The following WFDC3 variants were observed in gnomAD, a reference collection of about 807,000 sequenced individuals.
WFDC3 encodes the protein WAP four-disulfide core domain 3, also known as WAP four-disulfide core domain protein 3.
In WFDC3, 15 loss-of-function variants were observed where a neutral mutation model predicts 25.8. The ratio of observed to expected loss-of-function variants is 0.58; its 90% CI spans 0.39 to 0.89. The LOEUF is 0.89. WFDC3 is among the 40% of genes least tolerant of loss of function. The probability of loss-of-function intolerance (pLI) is 0.00; values close to 1 mark genes in which losing one functional copy is unlikely to be tolerated. For synonymous variants in WFDC3, 103 were observed against 107.1 expected, an observed-to-expected ratio of 0.96 and a Z score of 0.24; for missense variants, 264 against 289.8, an observed-to-expected ratio of 0.91 and a Z score of 0.65.
intron 4 of WFDC3, among the ~76,000 whole-genome samples, chr20:45,777,768 G>A (rs1357601190): frequency 2.6e-5 from 4 of 152,136 alleles, no homozygotes; most frequent in Admixed American, 6.5e-5. Flanking sequence ...TGATCCTCCC[G>A]CCTGAGCCTC....
intron 4 of WFDC3, among the ~76,000 whole-genome samples, chr20:45,783,735 C>A (rs940171795): frequency 6.6e-5 from 10 of 152,032 alleles, no homozygotes; most frequent in Non-Finnish European, 1.3e-4. Flanking sequence ...GCCAAACAGA[C>A]CAGCGCTGGC....
rs61529524 is a variant in WFDC3, at chr20:45,790,782, G to A, written c.-7-800C>T. The A allele has an allele frequency of 7.5e-3, 2,786 of 369,924 alleles. 95 individuals carry two copies. Among genetic ancestry groups the A allele is most frequent in the African/African-American group, 0.056 (2,590 of 45,866 alleles). The allele number at this position is 369,924 out of a possible 1,614,324, so 22.9% of individuals were successfully genotyped here. On this transcript the variant is annotated intron_variant, in intron 1 of 6. Transcript: ENST00000243938. ...AAAAACCTACAGAAAAGCAGTAGTT[G>A]AGTTTGTTAAGAACTAATGAAAAGC...
chr20:45,789,649 T>C (rs566317618), intron 2 of WFDC3, among the ~76,000 whole-genome samples: 1 of 152,308 alleles, frequency 6.6e-6, no homozygotes, highest in Admixed American at 6.5e-5. Context: ...TAATGAGTTC[T>C]AGGGAAAAGC....
intron 4 of WFDC3, among the ~76,000 whole-genome samples, chr20:45,778,095 C>T (rs1980279147): frequency 6.6e-6 from 1 of 152,146 alleles, no homozygotes; most frequent in African/African-American, 2.4e-5. Context: ...TAAGCAGAGC[C>T]TTGATAAGCA....
chr20:45,775,327 G>T, intron 6 of WFDC3, 90 bp downstream of exon 6: 1 of 1,514,230 alleles, frequency 6.6e-7, no homozygotes, highest in South Asian at 1.3e-5. Flanking sequence ...GACTTTTCCT[G>T]ACCTTCTGAA....
At chr20:45,785,891 C>T (rs569642223) in intron 4 of WFDC3, among the ~76,000 whole-genome samples, 3 of 152,192 alleles carry the variant, frequency 2.0e-5, no homozygotes, top group South Asian at 2.1e-4. Context: ...TCCTCATCTG[C>T]CTTCATTCTC....
intron 3 of WFDC3, chr20:45,788,708 A>C: frequency 2.1e-6 from 1 of 480,644 alleles, no homozygotes; most frequent in Non-Finnish European, 3.5e-6. Context: ...GTCCAAAGTA[A>C]AAGACATAGA....
intron 2 of WFDC3, among the ~76,000 whole-genome samples, chr20:45,789,661 A>T (rs1239428532): frequency 6.6e-6 from 1 of 152,194 alleles, no homozygotes; most frequent in African/African-American, 2.4e-5. Context: ...GGGAAAAGCT[A>T]GAACCTCTAG....
In WFDC3 at chr20:45,787,837, C is replaced by T; in HGVS notation, c.357G>A (p.Leu119=). 6.2e-7 allele frequency: 1 copy of T among 1,611,138 alleles called. No individual in the cohort carries two copies. The highest frequency in any genetic ancestry group is 2.2e-5 in the East Asian group (1 of 44,816). ...SCVVPISKQK[L]AEFGGECPAD... ...AGGTGTGGGGACAGCGTTTCTTACC[C>T]AGCTTCTGTTTAGAGATTGGGACTA... The change falls in exon 4 of 7, where the codon CTG becomes CTA. Residue 119 remains leucine, a splice_region_variant and synonymous_variant. Coordinates refer to ENST00000243938, the MANE Select transcript of WFDC3 (RefSeq NM_080614.2).
intron 1 of WFDC3, chr20:45,790,893 T>C (rs1980936709): frequency 6.4e-6 from 3 of 471,070 alleles, no homozygotes; most frequent in Admixed American, 2.3e-5. Flanking sequence ...CCAAGAGAAG[T>C]TGCTATGTAT....
At chr20:45,787,328 T>A (rs1442128333) in intron 4 of WFDC3, among the ~76,000 whole-genome samples, 1 of 137,330 alleles carries the variant, frequency 7.3e-6, no homozygotes, top group Non-Finnish European at 1.5e-5. Flanking sequence ...TCTCGCTCTG[T>A]CACCCAGGCT....
intron 4 of WFDC3, among the ~76,000 whole-genome samples, chr20:45,783,104 C>T (rs1483648153): frequency 1.3e-5 from 2 of 152,118 alleles, no homozygotes; most frequent in Non-Finnish European, 2.9e-5. Context: ...GCAAGGACCA[C>T]GGCTGCCTTC....
chr20:45,788,191 CT>C, intron 3 of WFDC3: 1 of 377,060 alleles, frequency 2.7e-6, no homozygotes, highest in Non-Finnish European at 4.7e-6. Context: ...TAAATCCCAG[CT>C]ACTTGGGAGG....
chr20:45,781,083 T>TAAAAAA (rs1436448991), intron 4 of WFDC3, among the ~76,000 whole-genome samples: 3 of 67,738 alleles, frequency 4.4e-5, no homozygotes, highest in African/African-American at 5.6e-5. Context: ...CTACTAAAAA[T>TAAAAAA]ACAAAAAAAA....
At chr20:45,783,763 A>G (rs916869388) in intron 4 of WFDC3, among the ~76,000 whole-genome samples, 2 of 152,116 alleles carry the variant, frequency 1.3e-5, no homozygotes, top group Non-Finnish European at 2.9e-5. Context: ...AACCTCTGGC[A>G]ATGTCAGAGC....
In WFDC3 at chr20:45,774,376, G is replaced by T. The variant is rs1046985152; in HGVS notation, c.*52C>A. On this transcript the variant is annotated 3_prime_UTR_variant, in exon 7 of 7. Coordinates refer to ENST00000243938, the MANE Select transcript of WFDC3 (RefSeq NM_080614.2). Reference sequence around the variant, plus strand: ...CCCAGGATGTCACCCTCTCTTGACTGCCAGGAAAAGCTTCCAGAATTACCA... The same window carrying T: ...CCCAGGATGTCACCCTCTCTTGACTTCCAGGAAAAGCTTCCAGAATTACCA... The T allele has an allele frequency of 1.2e-6, 2 of 1,613,640 alleles. No homozygotes were observed. Among genetic ancestry groups the T allele is most frequent in the African/African-American group, 1.3e-5 (1 of 74,890 alleles).
At chr20:45,776,837 C>A (rs1036820392) in intron 5 of WFDC3, among the ~76,000 whole-genome samples, 5 of 151,822 alleles carry the variant, frequency 3.3e-5, no homozygotes, top group Non-Finnish European at 7.4e-5. Context: ...TCAGCAGAAT[C>A]AAGACCAAAA....
At chr20:45,775,284 T>C in intron 6 of WFDC3, 133 bp downstream of exon 6, 2 of 1,281,844 alleles carry the variant, frequency 1.6e-6, no homozygotes, top group Non-Finnish European at 2.2e-6. Context: ...ATGAGGGTTT[T>C]CATCTGGGAC....
In WFDC3 at chr20:45,788,800, G is replaced by A; in HGVS notation, c.211+131C>T. ...TTAAAGGAGGAGGGACCCTAAAAGAGTAAAGAAGAAGTACTCTAGGCAAGG... is the reference window on the plus strand; with the variant it reads ...TTAAAGGAGGAGGGACCCTAAAAGAATAAAGAAGAAGTACTCTAGGCAAGG... On this transcript the variant is annotated intron_variant, in intron 3 of 6. Coordinates refer to ENST00000243938, the MANE Select transcript of WFDC3 (RefSeq NM_080614.2). 4 of 1,300,050 alleles carry A rather than the reference G, an allele frequency of 3.1e-6. No individual in the cohort carries two copies. The South Asian group carries it at 6.3e-5, about 20-fold the overall frequency. 80.5% of individuals were successfully genotyped at this position (1,300,050 alleles called of 1,614,324 possible).
Sources: gnomAD v4.1 joint callset for allele counts (sites outside exome capture counted in the v4.1 genomes callset) on GRCh38, gnomAD v4.1.1 for gene constraint, MANE v1.5 for transcripts, NCBI Gene and HGNC (gene_info 2026-07-23, HGNC 2026-07-21) for gene names.